Variants in NVL observed in about 807,000 individuals in gnomAD.
NVL encodes nuclear valosin-containing protein-like.
NVL carries 84 observed loss-of-function variants against 110.2 expected under a neutral mutation model. The ratio of observed to expected loss-of-function variants is 0.76; its 90% CI spans 0.64 to 0.91. The LOEUF (loss-of-function observed/expected upper bound fraction) is 0.91. NVL is among the 40% of genes least tolerant of loss of function. NVL has a pLI of 0.00. For synonymous variants in NVL, 354 were observed against 361.1 expected (o/e 0.98, Z 0.22); for missense variants, 882 against 1,035.9 (o/e 0.85, Z 2.04).
At chr1:224,265,480 G>A (rs1246117755) in intron 18 of NVL, among the ~76,000 whole-genome samples, 2 of 151,946 alleles carry the variant, frequency 1.3e-5, no homozygotes, top group African/African-American at 4.8e-5. Context: ...CTCCAGCCTG[G>A]GCAGTAGACC....
At chr1:224,316,741 A>T (rs1670115917) in intron 4 of NVL, among the ~76,000 whole-genome samples, 1 of 152,068 alleles carries the variant, frequency 6.6e-6, no homozygotes, top group African/African-American at 2.4e-5. Flanking sequence ...AAAGCGGAAC[A>T]AGAAGACTTT....
intron 17 of NVL, among the ~76,000 whole-genome samples, chr1:224,273,559 A>G (rs936793599): frequency 3.9e-5 from 6 of 152,176 alleles, no homozygotes; most frequent in Admixed American, 3.9e-4. Flanking sequence ...ACGGCTACAG[A>G]CTTCTTTGAG....
At position 224,242,879 on chromosome 1, in the gene NVL, G is replaced by A. The variant is rs570821091; in HGVS notation, c.2290-6297C>T. ...TTCGTCCTGTTGCCCAGGCTGGAGT[G>A]CAACGGCGCGATCTTGGCTCACTGC... On this transcript the variant is annotated intron_variant, in intron 19 of 22. Coordinates refer to ENST00000281701, the MANE Select transcript of NVL (RefSeq NM_002533.4). 3.6e-4 allele frequency among the ~76,000 whole-genome samples: 52 copies of A among 142,876 alleles called. No homozygotes were observed. In the South Asian group the frequency reaches 0.011, roughly 31 times the overall value. The allele number at this position is 142,876 out of a possible 152,430, so 93.7% of individuals were successfully genotyped here.
chr1:224,311,665 A>G (rs1669536772), intron 5 of NVL, 135 bp downstream of exon 5: 1 of 682,904 alleles, frequency 1.5e-6, no homozygotes, highest in Admixed American at 2.4e-5. Flanking sequence ...AGTGATCTGC[A>G]TGCCTCAGCC....
intron 5 of NVL, among the ~76,000 whole-genome samples, chr1:224,308,891 C>G (rs760073060): frequency 6.6e-6 from 1 of 151,570 alleles, no homozygotes; most frequent in Non-Finnish European, 1.5e-5. Flanking sequence ...GAAACCCTGT[C>G]TCTACTAAAA....
chr1:224,229,225 G>A (rs1045004872), intron 22 of NVL, among the ~76,000 whole-genome samples: 30 of 151,854 alleles, frequency 2.0e-4, no homozygotes, highest in Non-Finnish European at 4.1e-4. Flanking sequence ...GAACTCAGGA[G>A]GCAGAGGTTG....
chr1:224,254,313 G>A (rs1459565917), intron 18 of NVL, among the ~76,000 whole-genome samples: 8 of 150,152 alleles, frequency 5.3e-5, no homozygotes, highest in African/African-American at 9.8e-5. Flanking sequence ...GGCTGGTCTC[G>A]AACTCCTGAC....
At chr1:224,279,733 C>T (rs987041169) in intron 16 of NVL, among the ~76,000 whole-genome samples, 7 of 152,032 alleles carry the variant, frequency 4.6e-5, no homozygotes, top group Admixed American at 4.6e-4. Context: ...TTCAGTATCT[C>T]TAAAATATGA....
intron 19 of NVL, among the ~76,000 whole-genome samples, chr1:224,247,066 A>AC (rs1661922655): frequency 6.6e-6 from 1 of 151,710 alleles, no homozygotes; most frequent in South Asian, 2.1e-4. Flanking sequence ...AAAAAAAAAA[A>AC]AAAAAAAACA....
At chr1:224,309,063 C>CAAAA (rs58611576) in intron 5 of NVL, among the ~76,000 whole-genome samples, 1 of 103,110 alleles carries the variant, frequency 9.7e-6, no homozygotes. Context: ...TCTGTCTCAA[C>CAAAA]AAAAAAAAAA....
At chr1:224,233,322 T>C (rs1660112621) in intron 20 of NVL, 33 bp from the exon 21 acceptor site, 1 of 1,521,792 alleles carries the variant, frequency 6.6e-7, no homozygotes, top group Admixed American at 2.1e-5. Context: ...TACTTATTCT[T>C]AGATACTGCA....
chr1:224,307,663 C>T (rs1669064594), intron 6 of NVL, among the ~76,000 whole-genome samples: 2 of 139,088 alleles, frequency 1.4e-5, no homozygotes, highest in African/African-American at 5.4e-5. Flanking sequence ...CACACCACTG[C>T]ACTCCAGCCT....
chr1:224,285,811 T>C (rs1051201349), intron 15 of NVL, among the ~76,000 whole-genome samples: 3 of 152,170 alleles, frequency 2.0e-5, no homozygotes, highest in African/African-American at 7.2e-5. Flanking sequence ...TTAAAATTGA[T>C]AGGATTATGG....
At position 224,227,355 on chromosome 1, in the gene NVL, T is replaced by C. The variant is rs558080465; in HGVS notation, c.*271A>G. The C allele has an allele frequency of 4.1e-5, 11 of 265,776 alleles. No homozygotes were observed. In the South Asian group the frequency reaches 9.8e-4, roughly 24 times the overall value. The allele number at this position is 265,776 out of a possible 1,614,324, so 16.5% of individuals were successfully genotyped here. On this transcript the variant is annotated 3_prime_UTR_variant, in exon 23 of 23. Transcript: ENST00000281701. ...TCTGTATAGTCAAAATAGTTCAAAG[T>C]AAAAGTTTTATTTGAAAAATGTAAC...
intron 16 of NVL, among the ~76,000 whole-genome samples, chr1:224,280,098 G>C (rs1414107451): frequency 6.6e-6 from 1 of 151,328 alleles, no homozygotes; most frequent in Non-Finnish European, 1.5e-5. Flanking sequence ...CAGCCTTGTG[G>C]TAAGTTCCAT....
chr1:224,301,003 G>A (rs1668345870), intron 9 of NVL, among the ~76,000 whole-genome samples: 1 of 151,968 alleles, frequency 6.6e-6, no homozygotes, highest in Admixed American at 6.6e-5. Flanking sequence ...TACTTGGGAA[G>A]GCTGAGGCAG....
chr1:224,258,234 G>A (rs771090317), intron 18 of NVL, among the ~76,000 whole-genome samples: 5 of 152,056 alleles, frequency 3.3e-5, no homozygotes, highest in Non-Finnish European at 7.4e-5. Context: ...AAAATGACCA[G>A]ACATATCTCC....
intron 12 of NVL, among the ~76,000 whole-genome samples, chr1:224,291,380 C>T (rs115347957): frequency 2.6e-3 from 394 of 152,222 alleles, no homozygotes; most frequent in African/African-American, 9.2e-3. Flanking sequence ...TTCTTATTTA[C>T]ATATTTTGAT....
intron 9 of NVL, 109 bp from the exon 10 acceptor site, chr1:224,300,772 A>AT (rs1391631286): frequency 1.4e-6 from 1 of 726,754 alleles, no homozygotes; most frequent in East Asian, 2.8e-5. Flanking sequence ...GAGGAACTTC[A>AT]TCTTTTTATG....
Sources: gnomAD v4.1 joint callset for allele counts (sites outside exome capture counted in the v4.1 genomes callset) on GRCh38, gnomAD v4.1.1 for gene constraint, MANE v1.5 for transcripts, NCBI Gene and HGNC (gene_info 2026-07-23, HGNC 2026-07-21) for gene names.